Variants in KMT2D observed in about 807,000 individuals in gnomAD.
The protein encoded by KMT2D is histone-lysine N-methyltransferase 2D.
Under a neutral mutation model 512.7 loss-of-function variants are expected in KMT2D, and 55 were observed. That is an observed-to-expected ratio of 0.11 (90% CI 0.09 to 0.13). The LOEUF (loss-of-function observed/expected upper bound fraction) is 0.13, where lower values mean the gene tolerates loss of function less well. Ranked by LOEUF, KMT2D falls within the 10% of genes least tolerant of loss-of-function variation. The pLI is 1.00. For missense variants in KMT2D, 6,061 were observed against 7,127.9 expected (o/e 0.85, Z 5.39); for synonymous variants, 2,995 against 2,904.0 (o/e 1.03, Z -1.01).
Position 49,021,861 on chromosome 12 carries a change from G to C in KMT2D, c.16533C>G (p.Asp5511Glu). 1 of 1,613,810 alleles carries C rather than the reference G, an allele frequency of 6.2e-7. No homozygotes were observed. Among genetic ancestry groups the C allele is most frequent in the Non-Finnish European group, 8.5e-7 (1 of 1,179,674 alleles). Residue 5511 changes from aspartate to glutamate, a missense_variant, in exon 55 of 55, where the codon GAC becomes GAG. This residue lies in a region of KMT2D where 44 missense variants were observed against 194.7 expected (regional missense o/e 0.23). Transcript: ENST00000301067. ...GATCGTCCTCAAAATCAAACTGATA[G>C]TCATAGGTTAGCTGAAAAGAGAAGA... ...RIPKGEELTYDYQFDFEDDQH... is the reference protein window; with the variant it reads ...RIPKGEELTYEYQFDFEDDQH...
rs921312181 is a variant in KMT2D at position 49,046,915 on chromosome 12, G to C, written c.4237-125C>G. On this transcript the variant is annotated intron_variant, in intron 15 of 54. Coordinates refer to ENST00000301067, the MANE Select transcript of KMT2D (RefSeq NM_003482.4). This position sits in a 1 kb window ranked among gnomAD's most constrained non-coding sequence, Gnocchi z 4.2. ...GGCTGGAGTGCAATGGCGCGATCTC[G>C]GCTCACTGCAACCTCTGCCTCTCAG... The C allele has an allele frequency of 1.3e-5, 10 of 785,060 alleles. No homozygotes were observed. The highest frequency in any genetic ancestry group is 1.4e-5 in the Non-Finnish European group (7 of 503,686). The allele number at this position is 785,060 out of a possible 1,614,324, so 48.6% of individuals were successfully genotyped here.
In KMT2D at chr12:49,046,810, C is replaced by A. The variant is rs774433859; in HGVS notation, c.4237-20G>T. ...GGTGATCTGGGGCAGAAGATGGGAA[C>A]TTCTCAGGGTGTGAGGTGGAAAAGA... On this transcript the variant is annotated intron_variant, in intron 15 of 54. Coordinates refer to ENST00000301067, the MANE Select transcript of KMT2D (RefSeq NM_003482.4). The surrounding 1 kb of genome is among the most constrained non-coding windows in gnomAD (Gnocchi z 4.2). The A allele has an allele frequency of 2.5e-6, 4 of 1,603,984 alleles. No individual in the cohort carries two copies. The African/African-American group carries it at 4.0e-5, about 16-fold the overall frequency.
At position 49,033,074 on chromosome 12, in the gene KMT2D, C is replaced by A. The variant is rs2120438517; in HGVS notation, c.11631G>T (p.Gln3877His). 2 of 1,551,618 alleles carry A rather than the reference C, an allele frequency of 1.3e-6. No homozygotes were observed. Among genetic ancestry groups the A allele is most frequent in the Non-Finnish European group, 1.7e-6 (2 of 1,146,970 alleles). Residue 3877 changes from glutamine to histidine, a missense_variant, in exon 40 of 55, where the codon CAG becomes CAT. Around this residue, in one of 16 missense-constraint regions of KMT2D, gnomAD observed 1,600 missense variants for 1,754.9 expected, o/e 0.91. Transcript: ENST00000301067. ...QGSMAGLSHL[Q>H]QSLMSHSGQP... Reference sequence around the variant, plus strand: ...GCCCACTGTGTGACATCAGACTCTGCTGAAGATGGGACAGCCCTGCCATGG... The same window carrying A: ...GCCCACTGTGTGACATCAGACTCTGATGAAGATGGGACAGCCCTGCCATGG...
rs531952904 is a variant in KMT2D, at chr12:49,044,977, G to A, written c.4742-12C>T. 6.2e-7 allele frequency: 1 copy of A among 1,608,452 alleles called. No homozygotes were observed. Among genetic ancestry groups the A allele is most frequent in the Admixed American group, 1.7e-5 (1 of 59,976 alleles). ...AAAGTACTGGGGCTCTGCATAAGAG[G>A]AAAGAGTATGTGATCCCTGGATGGA... On this transcript the variant is annotated splice_polypyrimidine_tract_variant and intron_variant, in intron 19 of 54. Coordinates refer to ENST00000301067, the MANE Select transcript of KMT2D (RefSeq NM_003482.4). The surrounding 1 kb of genome is among the most constrained non-coding windows in gnomAD (Gnocchi z 6.4).
At chr12:49,057,479 C>T (rs939315304) in intron 1 of KMT2D, among the ~76,000 whole-genome samples, 5 of 152,200 alleles carry the variant, frequency 3.3e-5, no homozygotes, top group Admixed American at 1.3e-4. Flanking sequence ...GGTACAGAAA[C>T]CACCTTCATC....
chr12:49,047,406 CTTTTTTTTTTTTTT>C (rs57252968), intron 15 of KMT2D, among the ~76,000 whole-genome samples: 8 of 93,906 alleles, frequency 8.5e-5, no homozygotes, highest in Admixed American at 8.1e-4. Context: ...CCAGTTTTTC[CTTTTTTTTTTTTTT>C]TTTTTTTTTT....
At position 49,043,196 on chromosome 12, in the gene KMT2D, C is replaced by T. The variant is rs2120564865; in HGVS notation, c.5534-10G>A. ...CCCCCATCCTCAGGTCCTGTAAATG[C>T]CAGGAGAAACCCATGGGTCAAGGCC... On this transcript the variant is annotated splice_polypyrimidine_tract_variant and intron_variant, in intron 25 of 54. Coordinates refer to ENST00000301067, the MANE Select transcript of KMT2D (RefSeq NM_003482.4). 1 of 1,610,398 alleles carries T rather than the reference C, an allele frequency of 6.2e-7. No homozygotes were observed. The highest frequency in any genetic ancestry group is 8.5e-7 in the Non-Finnish European group (1 of 1,176,708).
At chr12:49,034,965 C>A (rs751708885) in intron 35 of KMT2D, 30 bp from the exon 36 acceptor site, 50 of 1,612,562 alleles carry the variant, frequency 3.1e-5, no homozygotes, top group Non-Finnish European at 3.0e-5. Context: ...GTGAGCTGGG[C>A]TATGGGGCCA....
Position 49,055,458 on chromosome 12 carries a change from C to T in KMT2D, c.-37-97G>A, listed in dbSNP as rs1292140897. The T allele has an allele frequency of 1.1e-5, 8 of 711,812 alleles. No homozygotes were observed. In the Admixed American group the frequency reaches 1.7e-4, roughly 15 times the overall value. The allele number at this position is 711,812 out of a possible 1,614,324, so 44.1% of individuals were successfully genotyped here. A position where few individuals can be genotyped will look rare whatever the true frequency, so the allele number is the denominator to read the frequency against. ...GAAGAAGGCATCCAGACCCTCCAGA[C>T]ATCAGAGCAAAGCCATACTACAAAC... On this transcript the variant is annotated intron_variant, in intron 1 of 54. Coordinates refer to ENST00000301067, the MANE Select transcript of KMT2D (RefSeq NM_003482.4).
At position 49,040,310 on chromosome 12, in the gene KMT2D, G is replaced by C. The variant is rs2120526646; in HGVS notation, c.7460C>G (p.Thr2487Ser). ...VAFKAGSLAH[T>S]SLGAGGFPAA... is the part of the protein sequence containing the mutation. Reference sequence around the variant, plus strand: ...TGGGAACCCCCCAGCCCCCAGCGAAGTGTGGGCTAGAGACCCAGCCTTAAA... The same window carrying C: ...TGGGAACCCCCCAGCCCCCAGCGAACTGTGGGCTAGAGACCCAGCCTTAAA... Residue 2487 changes from threonine (T) to serine (S), a missense_variant, in exon 32 of 55, where the codon ACT becomes AGT. Physicochemically the swap from Thr to Ser is moderately conservative, Grantham distance 58 (BLOSUM62 1). Around this residue, in one of 16 missense-constraint regions of KMT2D, gnomAD observed 710 missense variants for 647.3 expected, o/e 1.10. Transcript: ENST00000301067. 1 of 1,588,108 alleles carries C rather than the reference G, an allele frequency of 6.3e-7. No individual in the cohort carries two copies. The highest frequency in any genetic ancestry group is 8.6e-7 in the Non-Finnish European group (1 of 1,166,598).
At position 49,060,534 on chromosome 12, in the gene KMT2D, G is replaced by A. The variant is rs1012679627; in HGVS notation, c.-959C>T. On this transcript the variant is annotated 5_prime_UTR_variant, in exon 1 of 55. Transcript: ENST00000301067. ...GGGTCAGGAAACTGAGCGGAAAGTGGGGAACGAGGCAGCCATTTGCAACCG... is the reference window on the plus strand; with the variant it reads ...GGGTCAGGAAACTGAGCGGAAAGTGAGGAACGAGGCAGCCATTTGCAACCG... Among the ~76,000 whole-genome samples, 1 of 152,232 alleles carries A rather than the reference G, an allele frequency of 6.6e-6. No individual in the cohort carries two copies. Among genetic ancestry groups the A allele is most frequent in the Non-Finnish European group, 1.5e-5 (1 of 68,030 alleles).
Position 49,050,385 on chromosome 12 carries a change from G to C in KMT2D, c.3203C>G (p.Ala1068Gly), listed in dbSNP as rs1183236096. 6.2e-7 allele frequency: 1 copy of C among 1,613,292 alleles called. No homozygotes were observed. The highest frequency in any genetic ancestry group is 8.5e-7 in the Non-Finnish European group (1 of 1,179,566). ...CTCAGTCTCCATCTCGTGCAGCTCA[G>C]CCTCATCTGAGACCCCCACTACCTT... The part of the protein sequence containing the change: ...IGKVVGVSDE[A>G]ELHEMETEKV... The change falls in exon 12 of 55, where the codon GCT becomes GGT. Residue 1068 changes from alanine (A) to glycine (G), a missense_variant. Physicochemically the swap from Ala to Gly is moderately conservative, Grantham distance 60. Transcript: ENST00000301067.
chr12:49,058,183 C>T (rs1424960429), intron 1 of KMT2D, among the ~76,000 whole-genome samples: 1 of 152,120 alleles, frequency 6.6e-6, no homozygotes. Context: ...GAACACTGGC[C>T]CTGCAGACCC....
chr12:49,052,378 G>A lies in KMT2D; in HGVS notation c.1305C>T (p.Asn435=), dbSNP rs1296595611. Residue 435 remains asparagine, a synonymous_variant, in exon 11 of 55, where the codon AAC becomes AAT. Transcript: ENST00000301067. ...QLEPQLEAPL[N]EEMPLLPPPE... ...GTGGGGGCAGCAGTGGCATCTCCTC[G>A]TTTAGGGGGGCCTCCAACTGGGGCT... The A allele has an allele frequency of 1.1e-5, 17 of 1,541,420 alleles. No individual in the cohort carries two copies. The highest frequency in any genetic ancestry group is 9.6e-5 in the African/African-American group (7 of 72,578).
At chr12:49,027,702 G>A (rs938130612) in intron 48 of KMT2D, 101 bp downstream of exon 48, 40 of 1,426,632 alleles carry the variant, frequency 2.8e-5, no homozygotes, top group Non-Finnish European at 3.3e-5. Context: ...TGATTCACTC[G>A]CCTTGCCTCC....
chr12:49,020,519 G>A lies in KMT2D; in HGVS notation c.*1261C>T, dbSNP rs1942267100. 2 of 202,434 alleles carry A rather than the reference G, an allele frequency of 9.9e-6. No homozygotes were observed. Among genetic ancestry groups the A allele is most frequent in the South Asian group, 1.9e-4 (1 of 5,284 alleles). The allele number at this position is 202,434 out of a possible 1,614,324, so 12.5% of individuals were successfully genotyped here. A position where few individuals can be genotyped will look rare whatever the true frequency, so the allele number is the denominator to read the frequency against. On this transcript the variant is annotated 3_prime_UTR_variant, in exon 55 of 55. Coordinates refer to ENST00000301067, the MANE Select transcript of KMT2D (RefSeq NM_003482.4). ...GAGGGGAGGGTTCTCACCTCCAGCC[G>A]GCTCCCCCATGCCCCACAAGACTAT...
In KMT2D at chr12:49,030,199, T is replaced by C. The variant is rs1265164767; in HGVS notation, c.13999+81A>G. On this transcript the variant is annotated intron_variant, in intron 43 of 54. Coordinates refer to ENST00000301067, the MANE Select transcript of KMT2D (RefSeq NM_003482.4). ...CACAGGACAGCAGGCAACCCACTAA[T>C]TTCTAAACTGTACAGCATACTAACT... The C allele has an allele frequency of 2.4e-6, 3 of 1,274,798 alleles. 1 individual carries two copies. The highest frequency in any genetic ancestry group is 5.2e-5 in the East Asian group (2 of 38,718). 79.0% of individuals were successfully genotyped at this position (1,274,798 alleles called of 1,614,324 possible).
At chr12:49,035,460 A>C (rs1029051804) in intron 35 of KMT2D, 1 of 152,452 alleles carries the variant, frequency 6.6e-6, no homozygotes, top group Non-Finnish European at 1.5e-5. Flanking sequence ...AAAAGAAGAA[A>C]CAACCAACCA....
rs749085179 is a variant in KMT2D, at chr12:49,048,780, G to T, written c.4021-11C>A. ...ATCAATGTCAGCAACCTGATGGGCA[G>T]AGAGTTATGGAAAGTGAGGCAGATA... On this transcript the variant is annotated splice_polypyrimidine_tract_variant and intron_variant, in intron 13 of 54. Coordinates refer to ENST00000301067, the MANE Select transcript of KMT2D (RefSeq NM_003482.4). 52 of 1,445,214 alleles carry T rather than the reference G, an allele frequency of 3.6e-5. No homozygotes were observed. Among genetic ancestry groups the T allele is most frequent in the Non-Finnish European group, 4.5e-5 (48 of 1,060,202 alleles). The allele number at this position is 1,445,214 out of a possible 1,614,324, so 89.5% of individuals were successfully genotyped here. A position where few individuals can be genotyped will look rare whatever the true frequency, so the allele number is the denominator to read the frequency against.
Sources: allele counts gnomAD v4.1 joint callset (sites outside exome capture counted in the v4.1 genomes callset), GRCh38; gene constraint gnomAD v4.1.1; regional missense constraint gnomAD v4.1.1; non-coding constraint Gnocchi (gnomAD v3.1); transcripts MANE v1.5; gene names NCBI Gene and HGNC (gene_info 2026-07-23, HGNC 2026-07-21).